Variants in AGTR1 observed in about 807,000 individuals in gnomAD.
AGTR1 encodes the protein angiotensin II receptor type 1.
In AGTR1, 16 loss-of-function variants were observed where a neutral mutation model predicts 19.4. That is an observed-to-expected ratio of 0.82 (90% CI 0.56 to 1.25). The LOEUF (loss-of-function observed/expected upper bound fraction) is 1.25, where lower values mean the gene tolerates loss of function less well. Among genes scored for constraint, AGTR1 ranks in the 50% most tolerant of loss-of-function variants. The pLI is 0.00. For missense variants in AGTR1, 373 were observed against 431.9 expected, an observed-to-expected ratio of 0.86 and a Z score of 1.21; for synonymous variants, 153 against 154.9, an observed-to-expected ratio of 0.99 and a Z score of 0.09.
intron 2 of AGTR1, among the ~76,000 whole-genome samples, chr3:148,718,166 A>G (rs1326434339): frequency 1.3e-5 from 2 of 152,342 alleles, no homozygotes; most frequent in Non-Finnish European, 2.9e-5. Context: ...GCTTCCTAGT[A>G]TTACACCTTG....
At chr3:148,739,810 T>C (rs938986033) in intron 2 of AGTR1, 1 of 1,231,548 alleles carries the variant, frequency 8.1e-7, no homozygotes, top group African/African-American at 1.6e-5. Flanking sequence ...GGCATGCCAT[T>C]GCAAGAGAAT....
At chr3:148,711,564 T>C (rs1712984766) in intron 2 of AGTR1, among the ~76,000 whole-genome samples, 1 of 152,178 alleles carries the variant, frequency 6.6e-6, no homozygotes. Context: ...TGAGTTTTTT[T>C]TTCAATAAAC....
rs1404295435 is a variant in AGTR1, at chr3:148,742,285, T to G, written c.*170T>G. Reference sequence around the variant, plus strand: ...TAAAGCTCTGAACAAAAGCTTTTCTTTCCTTTTGCAACAAGACAAAGCAAA... The same window carrying G: ...TAAAGCTCTGAACAAAAGCTTTTCTGTCCTTTTGCAACAAGACAAAGCAAA... On this transcript the variant is annotated 3_prime_UTR_variant, in exon 3 of 3. Coordinates refer to ENST00000349243, the MANE Select transcript of AGTR1 (RefSeq NM_000685.5). 2.0e-6 allele frequency: 2 copies of G among 991,374 alleles called. No individual in the cohort carries two copies. The highest frequency in any genetic ancestry group is 3.2e-6 in the Non-Finnish European group (2 of 620,168). 61.4% of individuals were successfully genotyped at this position (991,374 alleles called of 1,614,324 possible).
At chr3:148,733,688 A>G (rs1190317012) in intron 2 of AGTR1, among the ~76,000 whole-genome samples, 1 of 152,210 alleles carries the variant, frequency 6.6e-6, no homozygotes, top group Non-Finnish European at 1.5e-5. Context: ...TTTCCTCCCC[A>G]TGATGGCTGA....
rs1713297764 is a variant in AGTR1 at position 148,716,221 on chromosome 3, T to C, written c.-48+8194T>C. 6.6e-6 allele frequency among the ~76,000 whole-genome samples: 1 copy of C among 152,154 alleles called. No homozygotes were observed. The highest frequency in any genetic ancestry group is 1.5e-5 in the Non-Finnish European group (1 of 68,022). On this transcript the variant is annotated intron_variant, in intron 2 of 2. Coordinates refer to ENST00000349243, the MANE Select transcript of AGTR1 (RefSeq NM_000685.5). The surrounding 1 kb of genome is among the most constrained non-coding windows in gnomAD (Gnocchi z 4.7). ...CTCAGCTATACTCCCTTTCCTAGTC[T>C]ACCCTATCCCACAACGGAACCATAC...
At chr3:148,707,642 A>G (rs960162927) in intron 1 of AGTR1, among the ~76,000 whole-genome samples, 13 of 152,052 alleles carry the variant, frequency 8.5e-5, no homozygotes, top group African/African-American at 1.2e-4. Context: ...ATAGAAAGAA[A>G]TGGCTAGGAA....
Position 148,742,151 on chromosome 3 carries a change from A to G in AGTR1, c.*36A>G, listed in dbSNP as rs576065893. 2 of 1,609,862 alleles carry G rather than the reference A, an allele frequency of 1.2e-6. No homozygotes were observed. On this transcript the variant is annotated 3_prime_UTR_variant, in exon 3 of 3. Coordinates refer to ENST00000349243, the MANE Select transcript of AGTR1 (RefSeq NM_000685.5). ...ACCTGTCCATAAAGTAATTTTGTGA[A>G]AGAAGGAGCAAGAGAACATTCCTCT...
chr3:148,737,692 A>G (rs1284547086), intron 2 of AGTR1, among the ~76,000 whole-genome samples: 1 of 152,154 alleles, frequency 6.6e-6, no homozygotes. Context: ...CACTGTTTCT[A>G]TCGCCTAAAA....
chr3:148,698,614 C>T (rs1268961900), intron 1 of AGTR1, among the ~76,000 whole-genome samples: 1 of 152,154 alleles, frequency 6.6e-6, no homozygotes, highest in Non-Finnish European at 1.5e-5. Flanking sequence ...TGCTCACGTC[C>T]CTTTAGCTCT....
chr3:148,720,047 A>G (rs1038832493), intron 2 of AGTR1, among the ~76,000 whole-genome samples: 2 of 152,248 alleles, frequency 1.3e-5, no homozygotes, highest in Non-Finnish European at 2.9e-5. Flanking sequence ...ACATTTTAAA[A>G]ATAGATTCAG....
intron 2 of AGTR1, chr3:148,731,446 A>T (rs1230424517): frequency 6.6e-6 from 1 of 152,228 alleles, no homozygotes; most frequent in Non-Finnish European, 1.5e-5. Context: ...AAACATTATT[A>T]TAATAATGAA....
intron 2 of AGTR1, chr3:148,739,689 G>A (rs1714766430): frequency 2.9e-6 from 3 of 1,043,744 alleles, no homozygotes; most frequent in Admixed American, 4.3e-5. Context: ...GCATCCCTTT[G>A]CACCAAAGTG....
chr3:148,727,809 A>G (rs1576534592), intron 2 of AGTR1, among the ~76,000 whole-genome samples: 1 of 152,352 alleles, frequency 6.6e-6, no homozygotes, highest in East Asian at 1.9e-4. Flanking sequence ...AATTCAGTAT[A>G]CAGTTAATTT....
At chr3:148,712,493 A>G (rs1305071846) in intron 2 of AGTR1, among the ~76,000 whole-genome samples, 1 of 152,180 alleles carries the variant, frequency 6.6e-6, no homozygotes, top group Non-Finnish European at 1.5e-5. Flanking sequence ...GCCACTGTAG[A>G]TGAAACCAGT....
chr3:148,721,654 C>T (rs748781450), intron 2 of AGTR1, among the ~76,000 whole-genome samples: 3 of 152,150 alleles, frequency 2.0e-5, no homozygotes, highest in Non-Finnish European at 2.9e-5. Flanking sequence ...CCAGGCAGAA[C>T]TCGAGGTCCT....
At chr3:148,708,916 C>T (rs1712825021) in intron 2 of AGTR1, among the ~76,000 whole-genome samples, 1 of 152,140 alleles carries the variant, frequency 6.6e-6, no homozygotes, top group Admixed American at 6.6e-5. Context: ...TACGTAGGTG[C>T]TGGGTGGGTA....
chr3:148,700,324 G>C (rs144157249), intron 1 of AGTR1, among the ~76,000 whole-genome samples: 2 of 152,240 alleles, frequency 1.3e-5, no homozygotes, highest in East Asian at 3.9e-4. Context: ...CAAAGCCCAG[G>C]TAAAATGCTT....
At chr3:148,714,254 G>A in intron 2 of AGTR1, among the ~76,000 whole-genome samples, 1 of 152,126 alleles carries the variant, frequency 6.6e-6, no homozygotes, top group Non-Finnish European at 1.5e-5. Context: ...GCATAAAGAT[G>A]AGAACAATCA....
rs1714950858 is a variant in AGTR1 at position 148,742,098 on chromosome 3, T to C, written c.1063T>C (p.Cys355Arg). The change falls in exon 3 of 3, where the codon TGT (cysteine) becomes CGT (arginine). Residue 355 changes from cysteine (C) to arginine (R), a missense_variant. Physicochemically the swap from Cys to Arg is radical, Grantham distance 180. Coordinates refer to ENST00000349243, the MANE Select transcript of AGTR1 (RefSeq NM_000685.5). ...CTCATCCACCAAGAAGCCTGCACCA[T>C]GTTTTGAGGTTGAGTGACATGTTCG... ...VSSSTKKPAPCFEVE is the reference protein window; with the variant it reads ...VSSSTKKPAPRFEVE The C allele has an allele frequency of 6.2e-7, 1 of 1,613,556 alleles. No individual in the cohort carries two copies. The highest frequency in any genetic ancestry group is 1.3e-5 in the African/African-American group (1 of 74,842).
Sources: gnomAD v4.1 joint callset for allele counts (sites outside exome capture counted in the v4.1 genomes callset) on GRCh38, gnomAD v4.1.1 for gene constraint, Gnocchi (gnomAD v3.1) non-coding constraint, MANE v1.5 for transcripts, NCBI Gene and HGNC (gene_info 2026-07-23, HGNC 2026-07-21) for gene names.